The following MAST2 variants were observed in gnomAD, a reference collection of about 807,000 sequenced individuals.
The protein encoded by MAST2 is microtubule-associated serine/threonine-protein kinase 2.
A neutral mutation model predicts 147.4 loss-of-function variants in MAST2; 70 were observed. That is an observed-to-expected ratio of 0.47 (90% CI 0.39 to 0.58). MAST2 has a LOEUF of 0.58. Among genes scored for constraint, MAST2 ranks in the 20% least tolerant of loss-of-function variants. The pLI is 0.00. For synonymous variants in MAST2, 869 were observed against 896.8 expected, an observed-to-expected ratio of 0.97 and a Z score of 0.55; for missense variants, 2,080 against 2,302.3, an observed-to-expected ratio of 0.90 and a Z score of 1.98.
chr1:45,820,757 G>A (rs905841352), intron 1 of MAST2, among the ~76,000 whole-genome samples: 1 of 147,082 alleles, frequency 6.8e-6, no homozygotes, highest in Non-Finnish European at 1.5e-5. Flanking sequence ...TTTCTGTTTA[G>A]TGTCCTTTCA....
intron 4 of MAST2, among the ~76,000 whole-genome samples, chr1:45,907,362 A>G (rs1650932410): frequency 6.6e-6 from 1 of 152,078 alleles, no homozygotes; most frequent in Admixed American, 6.6e-5. Context: ...AGAAGTTTGT[A>G]ATTTTAGCTT....
chr1:45,966,612 CT>C (rs1403103545), intron 5 of MAST2, among the ~76,000 whole-genome samples: 1 of 152,032 alleles, frequency 6.6e-6, no homozygotes, highest in Non-Finnish European at 1.5e-5. Context: ...ATCCCAGGTA[CT>C]TGGGAGGCTG....
intron 5 of MAST2, among the ~76,000 whole-genome samples, chr1:45,964,450 G>A (rs558757649): frequency 1.3e-5 from 2 of 151,984 alleles, no homozygotes; most frequent in African/African-American, 4.8e-5. Flanking sequence ...CTTGGGAGGG[G>A]GTATGTGTCG....
At chr1:45,913,921 G>A (rs1013866037) in intron 4 of MAST2, 2 of 1,163,842 alleles carry the variant, frequency 1.7e-6, no homozygotes, top group South Asian at 1.7e-5. Flanking sequence ...CAGATGTCAG[G>A]AAAAAAAACT....
At chr1:45,909,407 G>T (rs1297883044) in intron 4 of MAST2, among the ~76,000 whole-genome samples, 1 of 151,730 alleles carries the variant, frequency 6.6e-6, no homozygotes, top group African/African-American at 2.4e-5. Context: ...ATTTTCCATT[G>T]TTTTCTGTGA....
chr1:46,031,200 G>A lies in MAST2; in HGVS notation c.2902G>A (p.Gly968Arg). The change falls in exon 23 of 29, where the codon GGG (glycine) becomes AGG (arginine). Residue 968 changes from glycine (G) to arginine (R), a missense_variant. Physicochemically the swap from Gly to Arg is moderately radical, Grantham distance 125. Coordinates refer to ENST00000361297, the MANE Select transcript of MAST2 (RefSeq NM_015112.3). This position sits in a 1 kb window ranked among gnomAD's most constrained non-coding sequence, Gnocchi z 4.1. ...IWVLTPPSGEGVSGPVTEHSG... is the reference protein window; with the variant it reads ...IWVLTPPSGERVSGPVTEHSG... ...GGTCCTGACACCCCCATCTGGAGAG[G>A]GGGTATCTGGGCCTGTCACTGAACA... The A allele has an allele frequency of 6.4e-7, 1 of 1,565,756 alleles. No homozygotes were observed. The highest frequency in any genetic ancestry group is 2.3e-5 in the East Asian group (1 of 44,212).
intron 3 of MAST2, among the ~76,000 whole-genome samples, chr1:45,861,882 T>C (rs1219539949): frequency 6.6e-6 from 1 of 152,216 alleles, no homozygotes; most frequent in African/African-American, 2.4e-5. Context: ...AGGGTACCAG[T>C]TGACTTCAAG....
At chr1:45,923,819 C>A (rs1653922340) in intron 4 of MAST2, among the ~76,000 whole-genome samples, 1 of 152,124 alleles carries the variant, frequency 6.6e-6, no homozygotes. Context: ...AATTGGTATT[C>A]CCACAGTCTG....
intron 10 of MAST2, among the ~76,000 whole-genome samples, chr1:46,018,634 C>T (rs747394177): frequency 3.9e-5 from 6 of 152,168 alleles, no homozygotes; most frequent in Non-Finnish European, 8.8e-5. Flanking sequence ...TCTCTTTTCA[C>T]AGTTCTTAAA....
chr1:45,844,096 A>T (rs1376776744), intron 3 of MAST2, among the ~76,000 whole-genome samples: 1 of 151,858 alleles, frequency 6.6e-6, no homozygotes, highest in Non-Finnish European at 1.5e-5. Flanking sequence ...AGACAGCCTT[A>T]CTTTTTTTTG....
chr1:45,926,484 G>A (rs1041224964), intron 4 of MAST2, among the ~76,000 whole-genome samples: 1 of 152,194 alleles, frequency 6.6e-6, no homozygotes, highest in African/African-American at 2.4e-5. Flanking sequence ...GGCAGTGGCA[G>A]CTGGGTGCCC....
Position 46,027,752 on chromosome 1 carries a change from G to A in MAST2, c.1941G>A (p.Gly647=). 1 of 1,612,496 alleles carries A rather than the reference G, an allele frequency of 6.2e-7. No individual in the cohort carries two copies. The highest frequency in any genetic ancestry group is 8.5e-7 in the Non-Finnish European group (1 of 1,179,366). Residue 647 remains glycine (G), a synonymous_variant, in exon 17 of 29, where the codon GGG becomes GGA. Transcript: ENST00000361297. ...CCAGCCTCCTAATTACATCCATGGG[G>A]CACATCAAGCTCACGGACTTTGGAC... ...KPDNLLITSM[G]HIKLTDFGLS...
At chr1:45,943,268 C>T (rs1657574099) in intron 4 of MAST2, among the ~76,000 whole-genome samples, 1 of 152,138 alleles carries the variant, frequency 6.6e-6, no homozygotes. Flanking sequence ...GATTGTCATG[C>T]TCATCACTAA....
rs1225275848 is a variant in MAST2 at position 45,811,168 on chromosome 1, T to TTC, written c.177+7097_177+7098insCT. ...GCCTAGCCGAGAGCAGTATATTTCT[T>TTC]TTTTTTTTTTTTTTTGAGACGAAGT... On this transcript the variant is annotated intron_variant, in intron 1 of 28. Coordinates refer to ENST00000361297, the MANE Select transcript of MAST2 (RefSeq NM_015112.3). 3.6e-5 allele frequency among the ~76,000 whole-genome samples: 3 copies of TTC among 83,974 alleles called. No individual in the cohort carries two copies. The East Asian group carries it at 1.4e-3, about 39-fold the overall frequency. The allele number at this position is 83,974 out of a possible 152,430, so 55.1% of individuals were successfully genotyped here. A position where few individuals can be genotyped will look rare whatever the true frequency, so the allele number is the denominator to read the frequency against.
intron 3 of MAST2, among the ~76,000 whole-genome samples, chr1:45,846,797 C>G (rs1645452020): frequency 6.6e-6 from 1 of 151,174 alleles, no homozygotes; most frequent in Non-Finnish European, 1.5e-5. Context: ...TGCACTCCAG[C>G]CCAGGTGACA....
At position 46,027,854 on chromosome 1, in the gene MAST2, G is replaced by A. The variant is rs377201981; in HGVS notation, c.2043G>A (p.Leu681=). Residue 681 remains leucine, a synonymous_variant, in exon 17 of 29, where the codon CTG becomes CTA. Transcript: ENST00000361297. ...GHIEKDAREF[L]DKQVCGTPEY... ...TTGAAAAGGATGCCCGGGAATTCCT[G>A]GACAAGCAGGTAAGGAAGGGTAGTT... 6.2e-7 allele frequency: 1 copy of A among 1,614,084 alleles called. No individual in the cohort carries two copies. The highest frequency in any genetic ancestry group is 8.5e-7 in the Non-Finnish European group (1 of 1,179,990).
Position 46,035,807 on chromosome 1 carries a change from T to C in MAST2, c.5138T>C (p.Leu1713Pro). 6.2e-7 allele frequency: 1 copy of C among 1,614,114 alleles called. No homozygotes were observed. Among genetic ancestry groups the C allele is most frequent in the South Asian group, 1.1e-5 (1 of 91,078 alleles). ...GKTQPPSAPR[L>P]AHPSYEDPSQ... ...ACACAGCCACCTAGTGCCCCCAGAC[T>C]GGCCCATCCATCTTATGAGGATCCC... Residue 1713 changes from leucine (L) to proline (P), a missense_variant, in exon 29 of 29, where the codon CTG becomes CCG. Transcript: ENST00000361297. This position sits in a 1 kb window ranked among gnomAD's most constrained non-coding sequence, Gnocchi z 5.5.
intron 4 of MAST2, among the ~76,000 whole-genome samples, chr1:45,930,426 G>GTTTTGTTTTC (rs1430262543): frequency 6.6e-6 from 1 of 150,616 alleles, no homozygotes; most frequent in Non-Finnish European, 1.5e-5. Context: ...GTTTTGTTTT[G>GTTTTGTTTTC]TTTATCTTAT....
chr1:45,932,833 CTG>C (rs1570784738), intron 4 of MAST2, among the ~76,000 whole-genome samples: 2 of 152,096 alleles, frequency 1.3e-5, no homozygotes, highest in Non-Finnish European at 2.9e-5. Context: ...TTTGATGTCT[CTG>C]TCATTCTTTG....
Sources: allele counts gnomAD v4.1 joint callset (sites outside exome capture counted in the v4.1 genomes callset), GRCh38; gene constraint gnomAD v4.1.1; non-coding constraint Gnocchi (gnomAD v3.1); transcripts MANE v1.5; gene names NCBI Gene and HGNC (gene_info 2026-07-23, HGNC 2026-07-21).